The following FAN1 variants were observed in gnomAD, a reference collection of about 807,000 sequenced individuals.
The protein encoded by FAN1 is fanconi-associated nuclease 1.
A neutral mutation model predicts 104.9 loss-of-function variants in FAN1; 91 were observed. The ratio of observed to expected loss-of-function variants is 0.87; its 90% CI spans 0.73 to 1.03. FAN1 has a LOEUF of 1.03. Among genes scored for constraint, FAN1 ranks in the 50% least tolerant of loss-of-function variants. The pLI is 0.00. For missense variants in FAN1, 1,263 were observed against 1,239.9 expected (o/e 1.02, Z -0.28); for synonymous variants, 478 against 457.6 (o/e 1.04, Z -0.57).
At chr15:30,929,950 A>T (rs1283143741) in intron 12 of FAN1, among the ~76,000 whole-genome samples, 1 of 114,554 alleles carries the variant, frequency 8.7e-6, no homozygotes, top group African/African-American at 3.7e-5. Context: ...ATATAATATA[A>T]TATATATCAT....
intron 10 of FAN1, chr15:30,927,180 G>C: frequency 2.1e-6 from 2 of 968,514 alleles, no homozygotes; most frequent in Non-Finnish European, 2.5e-6. Flanking sequence ...CTGCACTCCA[G>C]TCTGGGTGAC....
intron 13 of FAN1, among the ~76,000 whole-genome samples, chr15:30,931,239 C>T (rs146373329): frequency 1.1e-3 from 166 of 152,274 alleles, no homozygotes; most frequent in Non-Finnish European, 2.1e-3. Context: ...GTGAACACTT[C>T]CTTGAACGCT....
rs984719763 is a variant in FAN1 at position 30,940,800 on chromosome 15, A to G, written c.*4-766A>G. On this transcript the variant is annotated intron_variant, in intron 14 of 14. Transcript: ENST00000362065. ...GTGAAATTATATTTTCTTCTGTAAT[A>G]TTTGTATCCTAAAGTCAAAGGCACT... 4.1e-6 allele frequency: 4 copies of G among 987,192 alleles called. No individual in the cohort carries two copies. The African/African-American group carries it at 7.0e-5, about 17-fold the overall frequency. 61.2% of individuals were successfully genotyped at this position (987,192 alleles called of 1,614,324 possible). A position where few individuals can be genotyped will look rare whatever the true frequency, so the allele number is the denominator to read the frequency against.
intron 13 of FAN1, 52 bp downstream of exon 13, chr15:30,930,723 A>T (rs1226241107): frequency 1.3e-6 from 2 of 1,598,706 alleles, no homozygotes; most frequent in South Asian, 2.2e-5. Flanking sequence ...TAGCAACTGA[A>T]TCAGAGGCCA....
At chr15:30,910,964 C>T (rs2062088087) in intron 4 of FAN1, 149 bp downstream of exon 4, 1 of 1,354,380 alleles carries the variant, frequency 7.4e-7, no homozygotes, top group Non-Finnish European at 9.5e-7. Context: ...TTGCAATAGC[C>T]TGGATTCTTT....
chr15:30,930,734 C>G, intron 13 of FAN1, 63 bp downstream of exon 13: 1 of 1,578,404 alleles, frequency 6.3e-7, no homozygotes, highest in Non-Finnish European at 8.6e-7. Context: ...TCAGAGGCCA[C>G]AAGTAGGCAT....
intron 9 of FAN1, 30 bp from the exon 10 acceptor site, chr15:30,925,759 C>G (rs1422808503): frequency 6.2e-7 from 1 of 1,612,634 alleles, no homozygotes; most frequent in East Asian, 2.2e-5. Flanking sequence ...TGACCTGAGG[C>G]TAATAGATGT....
chr15:30,906,691 C>T (rs1293845349), intron 2 of FAN1, among the ~76,000 whole-genome samples: 2 of 152,172 alleles, frequency 1.3e-5, no homozygotes, highest in African/African-American at 4.8e-5. Context: ...TATTGATGTT[C>T]AAGGGAAGGA....
At chr15:30,929,579 T>TTATATTA (rs1156776764) in intron 12 of FAN1, among the ~76,000 whole-genome samples, 182 bp downstream of exon 12, 2 of 127,732 alleles carry the variant, frequency 1.6e-5, no homozygotes, top group African/African-American at 2.9e-5. Context: ...ATTATATTTA[T>TTATATTA]TATATTATAT....
intron 5 of FAN1, 64 bp from the exon 6 acceptor site, chr15:30,918,100 A>C: frequency 6.5e-7 from 1 of 1,544,330 alleles, no homozygotes; most frequent in Non-Finnish European, 8.9e-7. Context: ...TCTAGTGGCT[A>C]GGATGTGGTC....
chr15:30,938,510 T>C (rs2062931800), intron 14 of FAN1, among the ~76,000 whole-genome samples: 1 of 152,048 alleles, frequency 6.6e-6, no homozygotes, highest in Non-Finnish European at 1.5e-5. Context: ...AATAACTAGA[T>C]AGGGGTATTT....
chr15:30,908,060 C>T (rs945974072), intron 2 of FAN1, 58 bp from the exon 3 acceptor site: 1 of 1,453,074 alleles, frequency 6.9e-7, no homozygotes, highest in African/African-American at 1.4e-5. Flanking sequence ...CATTTATTCA[C>T]CTTAGGTTTA....
In FAN1 at chr15:30,925,927, G is replaced by A. The variant is rs894339901; in HGVS notation, c.2476G>A (p.Gly826Ser). The A allele has an allele frequency of 9.3e-6, 15 of 1,614,054 alleles. No individual in the cohort carries two copies. The highest frequency in any genetic ancestry group is 4.5e-5 in the East Asian group (2 of 44,892). The change falls in exon 10 of 15, where the codon GGT (glycine) becomes AGT (serine). Residue 826 changes from glycine (G) to serine (S), a missense_variant. Physicochemically the swap from Gly to Ser is moderately conservative, Grantham distance 56. This residue lies in a region of FAN1 where 581 missense variants were observed against 668.8 expected (regional missense o/e 0.87). Transcript: ENST00000362065. ...GGCACTGGCCCATTACAGACGCAGC[G>A]GTTTTGACCAGGGTAACTGAGCAGG... Reference protein sequence around the residue: ...ELALAHYRRSGFDQGIHGEGS... With the variant: ...ELALAHYRRSSFDQGIHGEGS...
At chr15:30,908,332 A>G (rs2062028101) in intron 3 of FAN1, 74 bp downstream of exon 3, 3 of 1,319,316 alleles carry the variant, frequency 2.3e-6, no homozygotes, top group Middle Eastern at 3.8e-4. Context: ...TGATGGCAGT[A>G]TTATTATGGT....
In FAN1 at chr15:30,937,141, A is replaced by G. The variant is rs759569636; in HGVS notation, c.2939A>G (p.Asn980Ser). 62 of 1,613,428 alleles carry G rather than the reference A, an allele frequency of 3.8e-5. No homozygotes were observed. Among genetic ancestry groups the G allele is most frequent in the Admixed American group, 8.4e-5 (5 of 59,840 alleles). The change falls in exon 14 of 15, where the codon AAT becomes AGT. Residue 980 changes from asparagine (N) to serine (S), a missense_variant. Coordinates refer to ENST00000362065, the MANE Select transcript of FAN1 (RefSeq NM_014967.5). ...CAGCTGGTGGAAGTTAAAGGCCCCA[A>G]TGATCGTCTTTCACATAAGCAGATG... Reference protein sequence around the residue: ...HFKLVEVKGPNDRLSHKQMIW... With the variant: ...HFKLVEVKGPSDRLSHKQMIW...
At position 30,905,561 on chromosome 15, in the gene FAN1, C is replaced by T. The variant is rs1373137663; in HGVS notation, c.898C>T (p.His300Tyr). 6.2e-7 allele frequency: 1 copy of T among 1,613,816 alleles called. No individual in the cohort carries two copies. The highest frequency in any genetic ancestry group is 8.5e-7 in the Non-Finnish European group (1 of 1,179,830). The change falls in exon 2 of 15, where the codon CAT becomes TAT. Residue 300 changes from histidine to tyrosine, a missense_variant. Transcript: ENST00000362065. ...AGTGGTTGAAAAACGTGAGGCATGT[C>T]ATTGTGAAGAAGTAAAAATGACTGT... ...KEVVEKREACHCEEVKMTVAS... is the reference protein window; with the variant it reads ...KEVVEKREACYCEEVKMTVAS...
intron 14 of FAN1, chr15:30,941,288 A>ACAT: frequency 6.6e-7 from 1 of 1,508,748 alleles, no homozygotes; most frequent in East Asian, 2.6e-5. Flanking sequence ...AACAAAATTT[A>ACAT]CATCTCTCTT....
At chr15:30,925,507 G>A (rs2062437571) in intron 9 of FAN1, among the ~76,000 whole-genome samples, 2 of 152,322 alleles carry the variant, frequency 1.3e-5, no homozygotes, top group Admixed American at 6.5e-5. Context: ...TCACACCCTG[G>A]GTTGAGTGAC....
rs1191826175 is a variant in FAN1, at chr15:30,929,195, T to G, written c.2593-8T>G. The G allele has an allele frequency of 6.2e-7, 1 of 1,609,958 alleles. No homozygotes were observed. The highest frequency in any genetic ancestry group is 8.5e-7 in the Non-Finnish European group (1 of 1,178,596). Reference sequence around the variant, plus strand: ...ACAGTATGACAGCTTGCTTTCCCTGTGACACAGGCATTCCCCCTGGACTTG... The same window carrying G: ...ACAGTATGACAGCTTGCTTTCCCTGGGACACAGGCATTCCCCCTGGACTTG... On this transcript the variant is annotated splice_region_variant and splice_polypyrimidine_tract_variant and intron_variant, in intron 11 of 14. Coordinates refer to ENST00000362065, the MANE Select transcript of FAN1 (RefSeq NM_014967.5).
Sources: allele counts gnomAD v4.1 joint callset (sites outside exome capture counted in the v4.1 genomes callset), GRCh38; gene constraint gnomAD v4.1.1; regional missense constraint gnomAD v4.1.1; transcripts MANE v1.5; gene names NCBI Gene and HGNC (gene_info 2026-07-23, HGNC 2026-07-21).